CFAP61: variants seen among roughly 807,000 people sequenced by gnomAD.
The protein encoded by CFAP61 is cilia- and flagella-associated protein 61.
Under a neutral mutation model 135.6 loss-of-function variants are expected in CFAP61, and 107 were observed. The observed-to-expected ratio is 0.79, with a 90% CI of 0.67 to 0.93. The LOEUF (loss-of-function observed/expected upper bound fraction) is 0.93. Among genes scored for constraint, CFAP61 ranks in the 40% least tolerant of loss-of-function variants. CFAP61 has a pLI of 0.00. For synonymous variants in CFAP61, 575 were observed against 578.5 expected, an observed-to-expected ratio of 0.99 and a Z score of 0.09; for missense variants, 1,507 against 1,556.2, an observed-to-expected ratio of 0.97 and a Z score of 0.53.
In CFAP61 at chr20:20,159,497, C is replaced by T. The variant is rs763372104; in HGVS notation, c.1026+53C>T. The T allele has an allele frequency of 7.6e-5, 110 of 1,442,452 alleles. 1 individual carries two copies. The Middle Eastern group carries it at 1.3e-3, about 17-fold the overall frequency. 89.4% of individuals were successfully genotyped at this position (1,442,452 alleles called of 1,614,324 possible). A position where few individuals can be genotyped will look rare whatever the true frequency, so the allele number is the denominator to read the frequency against. ...CCTTCTAGCCACCCCATGGGTTTCA[C>T]ACCTTTCTACCTCAGAGGATTTGTG... On this transcript the variant is annotated intron_variant, in intron 10 of 26. Transcript: ENST00000245957.
chr20:20,276,346 T>C (rs2053760663), intron 21 of CFAP61, among the ~76,000 whole-genome samples: 1 of 150,418 alleles, frequency 6.6e-6, no homozygotes. Context: ...TACAGCAGTT[T>C]ATTTGTGAAA....
intron 9 of CFAP61, among the ~76,000 whole-genome samples, chr20:20,152,784 A>G (rs1021208535): frequency 6.6e-6 from 1 of 152,218 alleles, no homozygotes; most frequent in African/African-American, 2.4e-5. Flanking sequence ...GGGGACTTCA[A>G]TACTCCATTG....
At chr20:20,162,190 T>C (rs1007930960) in intron 10 of CFAP61, among the ~76,000 whole-genome samples, 2 of 152,174 alleles carry the variant, frequency 1.3e-5, no homozygotes, top group African/African-American at 4.8e-5. Context: ...TCAGACCTGC[T>C]GCCTCCCTCT....
intron 8 of CFAP61, among the ~76,000 whole-genome samples, chr20:20,113,722 A>G (rs548668004): frequency 6.6e-6 from 1 of 152,256 alleles, no homozygotes; most frequent in South Asian, 2.1e-4. Context: ...TTGACTAAGT[A>G]CCATTTATTG....
At chr20:20,169,550 T>G (rs1211013993) in intron 13 of CFAP61, 90 bp downstream of exon 13, 2 of 1,124,534 alleles carry the variant, frequency 1.8e-6, no homozygotes, top group African/African-American at 3.2e-5. Flanking sequence ...AATTTAATAA[T>G]TTATTTTAAA....
chr20:20,313,372 G>A (rs1337029860), intron 25 of CFAP61, among the ~76,000 whole-genome samples: 1 of 152,200 alleles, frequency 6.6e-6, no homozygotes, highest in Non-Finnish European at 1.5e-5. Flanking sequence ...ATTTTGTTAT[G>A]TCAGCCTGAG....
intron 8 of CFAP61, among the ~76,000 whole-genome samples, chr20:20,112,050 T>C (rs2048835665): frequency 6.6e-6 from 1 of 152,194 alleles, no homozygotes; most frequent in Non-Finnish European, 1.5e-5. Context: ...TTATAGCTTA[T>C]TATAGCTTCT....
At chr20:20,063,388 C>T (rs1271343654) in intron 2 of CFAP61, among the ~76,000 whole-genome samples, 1 of 152,092 alleles carries the variant, frequency 6.6e-6, no homozygotes, top group African/African-American at 2.4e-5. Flanking sequence ...GGAAAGGAAT[C>T]TAATGATGAA....
intron 17 of CFAP61, 56 bp from the exon 18 acceptor site, chr20:20,228,193 A>G: frequency 1.3e-6 from 2 of 1,548,468 alleles, no homozygotes; most frequent in Middle Eastern, 2.0e-4. Context: ...ATTTGAGGGT[A>G]TGAACACTGC....
intron 8 of CFAP61, among the ~76,000 whole-genome samples, chr20:20,132,010 A>G (rs1195575534): frequency 6.6e-6 from 1 of 152,120 alleles, no homozygotes; most frequent in African/African-American, 2.4e-5. Context: ...GATGTTGTAC[A>G]GCAGATCTCT....
intron 21 of CFAP61, among the ~76,000 whole-genome samples, chr20:20,265,048 G>A (rs2052596099): frequency 1.3e-5 from 2 of 152,214 alleles, no homozygotes; most frequent in South Asian, 4.1e-4. Context: ...GACATGAGCT[G>A]TAGTTTGTAG....
chr20:20,345,918 G>A (rs369246405), intron 26 of CFAP61, among the ~76,000 whole-genome samples: 1,891 of 108,060 alleles, frequency 0.017, 55 homozygotes, highest in African/African-American at 0.061. Context: ...TTTTTGAGAC[G>A]GAGTCTCGCT....
chr20:20,291,103 C>A (rs954011166), intron 24 of CFAP61, among the ~76,000 whole-genome samples: 8 of 152,164 alleles, frequency 5.3e-5, no homozygotes. Context: ...GCCTCCCCCA[C>A]TATCAACATC....
chr20:20,164,290 A>G (rs1300953053), intron 11 of CFAP61, 62 bp downstream of exon 11: 17 of 1,502,882 alleles, frequency 1.1e-5, no homozygotes, highest in East Asian at 6.9e-5. Flanking sequence ...TGGTGGCCCA[A>G]CATTTTAACT....
At chr20:20,068,802 T>A (rs1474990514) in intron 2 of CFAP61, among the ~76,000 whole-genome samples, 2 of 152,244 alleles carry the variant, frequency 1.3e-5, no homozygotes, top group African/African-American at 4.8e-5. Context: ...TGCAGTGCAG[T>A]GGTGCCATCT....
At chr20:20,335,641 G>T (rs1166243429) in intron 25 of CFAP61, among the ~76,000 whole-genome samples, 4 of 152,220 alleles carry the variant, frequency 2.6e-5, no homozygotes, top group Admixed American at 6.5e-5. Context: ...CCCTATGAAT[G>T]TACTCTGCTC....
intron 15 of CFAP61, among the ~76,000 whole-genome samples, chr20:20,192,209 G>A (rs1042916554): frequency 3.3e-5 from 5 of 151,896 alleles, no homozygotes; most frequent in African/African-American, 9.7e-5. Context: ...GGCTTTCTAT[G>A]TTGTTGTTGT....
intron 14 of CFAP61, among the ~76,000 whole-genome samples, chr20:20,189,096 G>C (rs567586904): frequency 6.6e-6 from 1 of 152,166 alleles, no homozygotes; most frequent in Non-Finnish European, 1.5e-5. Context: ...CTTTCAGGGA[G>C]TTCCAGTTAT....
chr20:20,266,839 T>A (rs1266865081), intron 21 of CFAP61, among the ~76,000 whole-genome samples: 2 of 152,144 alleles, frequency 1.3e-5, no homozygotes, highest in Admixed American at 6.5e-5. Flanking sequence ...CTAGATAATA[T>A]CTACCTCACA....
Sources: allele counts gnomAD v4.1 joint callset (sites outside exome capture counted in the v4.1 genomes callset), GRCh38; gene constraint gnomAD v4.1.1; transcripts MANE v1.5; gene names NCBI Gene and HGNC (gene_info 2026-07-23, HGNC 2026-07-21).